Variants in ZFR observed in about 807,000 individuals in gnomAD.
The protein encoded by ZFR is zinc finger RNA binding protein, also known as zinc finger RNA-binding protein.
ZFR carries 19 observed loss-of-function variants against 130.7 expected under a neutral mutation model. That is an observed-to-expected ratio of 0.15 (90% CI 0.10 to 0.21). The LOEUF is 0.21. Ranked by LOEUF, ZFR falls within the 10% of genes least tolerant of loss-of-function variation. ZFR has a pLI of 1.00. For synonymous variants in ZFR, 466 were observed against 456.9 expected, an observed-to-expected ratio of 1.02 and a Z score of -0.25; for missense variants, 872 against 1,321.5, an observed-to-expected ratio of 0.66 and a Z score of 5.27.
At chr5:32,379,067 G>T in intron 17 of ZFR, 48 bp downstream of exon 17, 1 of 1,379,532 alleles carries the variant, frequency 7.2e-7, no homozygotes, top group Non-Finnish European at 1.0e-6. Context: ...AAAAGCTGCA[G>T]AATTATTTCC....
intron 5 of ZFR, among the ~76,000 whole-genome samples, chr5:32,410,996 T>A: frequency 6.6e-6 from 1 of 152,258 alleles, no homozygotes; most frequent in East Asian, 1.9e-4. Flanking sequence ...TAGTGCTGTT[T>A]CCAGTTTCTG....
intron 2 of ZFR, among the ~76,000 whole-genome samples, chr5:32,420,554 A>C (rs1441450232): frequency 6.6e-6 from 1 of 152,242 alleles, no homozygotes; most frequent in Admixed American, 6.5e-5. Flanking sequence ...TTACAGAAAG[A>C]AATTTAAGGT....
At chr5:32,413,728 T>C in intron 5 of ZFR, among the ~76,000 whole-genome samples, 1 of 152,214 alleles carries the variant, frequency 6.6e-6, no homozygotes, top group East Asian at 1.9e-4. Flanking sequence ...GTTACAATTA[T>C]AGCTAGTCAA....
At position 32,410,283 on chromosome 5, in the gene ZFR, CAAAAA is replaced by C. The variant is rs3065266; in HGVS notation, c.785-3267_785-3263del. Among the ~76,000 whole-genome samples the C allele has an allele frequency of 5.9e-3, 666 of 113,078 alleles. 7 individuals carry two copies. The highest frequency in any genetic ancestry group is 0.021 in the African/African-American group (627 of 30,018). The allele number at this position is 113,078 out of a possible 152,430, so 74.2% of individuals were successfully genotyped here. ...GGGTGACACAGCAAGACACTGTCTCCAAAAAAAAAAAAAAAAAAAAAAAAAATGTA... is the reference window on the plus strand; with the variant it reads ...GGGTGACACAGCAAGACACTGTCTCCAAAAAAAAAAAAAAAAAAAAATGTA... On this transcript the variant is annotated intron_variant, in intron 5 of 19. Transcript: ENST00000265069.
intron 15 of ZFR, among the ~76,000 whole-genome samples, chr5:32,383,558 T>A (rs114860131): frequency 0.01 from 1,575 of 152,280 alleles, 31 homozygotes; most frequent in African/African-American, 0.035. Context: ...TTTCCTTTAT[T>A]AATTAATTTT....
chr5:32,443,433 C>A (rs1409326517), intron 2 of ZFR, among the ~76,000 whole-genome samples: 1 of 152,258 alleles, frequency 6.6e-6, no homozygotes, highest in Non-Finnish European at 1.5e-5. Flanking sequence ...AGGGGAAAGA[C>A]CCCCGCAAGG....
rs70961626 is a variant in ZFR, at chr5:32,397,849, CTTTTTT to C, written c.1714-517_1714-512del. 4.5e-4 allele frequency among the ~76,000 whole-genome samples: 30 copies of C among 66,876 alleles called. 1 individual carries two copies. Among genetic ancestry groups the C allele is most frequent in the East Asian group, 1.1e-3 (2 of 1,762 alleles). The allele number at this position is 66,876 out of a possible 152,430, so 43.9% of individuals were successfully genotyped here. A position where few individuals can be genotyped will look rare whatever the true frequency, so the allele number is the denominator to read the frequency against. On this transcript the variant is annotated intron_variant, in intron 9 of 19. Coordinates refer to ENST00000265069, the MANE Select transcript of ZFR (RefSeq NM_016107.5). ...TGATAGCATGTGTTTGCTCTTGTAT[CTTTTTT>C]TTTTTTTTTTTTTTTTTTTTGAGAT...
chr5:32,396,080 A>G (rs953245922), intron 10 of ZFR, among the ~76,000 whole-genome samples: 2 of 152,050 alleles, frequency 1.3e-5, no homozygotes, highest in Admixed American at 6.6e-5. Flanking sequence ...CTAGCCAGGC[A>G]TGGTGGCACA....
At chr5:32,432,578 C>T (rs2111856811) in intron 2 of ZFR, among the ~76,000 whole-genome samples, 1 of 152,184 alleles carries the variant, frequency 6.6e-6, no homozygotes, top group African/African-American at 2.4e-5. Flanking sequence ...AATCCTCTCC[C>T]CTCAGCCTCC....
chr5:32,379,272 G>GA (rs758760103), intron 16 of ZFR, 62 bp from the exon 17 acceptor site: 5 of 1,437,218 alleles, frequency 3.5e-6, no homozygotes, highest in African/African-American at 1.4e-5. Context: ...ATCCCTTGAT[G>GA]AAAAAAAGTT....
chr5:32,413,938 C>T (rs1009656151), intron 5 of ZFR, among the ~76,000 whole-genome samples: 1 of 152,154 alleles, frequency 6.6e-6, no homozygotes, highest in African/African-American at 2.4e-5. Flanking sequence ...TCATCATTCA[C>T]CACTCCAGCC....
rs1264319593 is a variant in ZFR, at chr5:32,354,469, C to T, written c.*1291G>A. The T allele has an allele frequency of 6.6e-6, 1 of 152,514 alleles. No individual in the cohort carries two copies. Among genetic ancestry groups the T allele is most frequent in the African/African-American group, 2.4e-5 (1 of 41,394 alleles). The allele number at this position is 152,514 out of a possible 1,614,324, so 9.4% of individuals were successfully genotyped here. ...TATGAATTTCATTTTTTGTGTATTT[C>T]ACTGTAGTGCTGTGACAACAAAATG... On this transcript the variant is annotated 3_prime_UTR_variant, in exon 20 of 20. Coordinates refer to ENST00000265069, the MANE Select transcript of ZFR (RefSeq NM_016107.5).
chr5:32,409,798 C>A (rs1249564398), intron 5 of ZFR, among the ~76,000 whole-genome samples: 2 of 152,156 alleles, frequency 1.3e-5, no homozygotes, highest in African/African-American at 4.8e-5. Context: ...ACTCTCATTT[C>A]TCTCTTTGAG....
Position 32,416,106 on chromosome 5 carries a change from G to C in ZFR, c.566-919C>G, listed in dbSNP as rs569425095. ...TCAGCCACTCAAGTAGAACTTATCT[G>C]CTTATGAAATTTGATCCATGTAACA... On this transcript the variant is annotated intron_variant, in intron 4 of 19. Transcript: ENST00000265069. Among the ~76,000 whole-genome samples, 9 of 152,070 alleles carry C rather than the reference G, an allele frequency of 5.9e-5. No homozygotes were observed. The East Asian group carries it at 7.7e-4, about 13-fold the overall frequency.
At position 32,400,192 on chromosome 5, in the gene ZFR, G is replaced by T; in HGVS notation, c.1528C>A (p.Leu510Met). 6.3e-7 allele frequency: 1 copy of T among 1,599,888 alleles called. No homozygotes were observed. The highest frequency in any genetic ancestry group is 1.1e-5 in the South Asian group (1 of 88,136). Residue 510 changes from leucine (L) to methionine (M), a missense_variant, in exon 9 of 20, where the codon CTG becomes ATG. Leu to Met is a conservative substitution (Grantham distance 15, BLOSUM62 2). This residue lies in a region of ZFR where 143 missense variants were observed against 137.9 expected (regional missense o/e 1.04). Coordinates refer to ENST00000265069, the MANE Select transcript of ZFR (RefSeq NM_016107.5). Reference protein sequence around the residue: ...PKINFVGGNKLQSTGNKAEDI... With the variant: ...PKINFVGGNKMQSTGNKAEDI... ...TCTGCTTTATTTCCTGTTGACTGCAGCTTATTACCACCTAGAAAAGTATCA... is the reference window on the plus strand; with the variant it reads ...TCTGCTTTATTTCCTGTTGACTGCATCTTATTACCACCTAGAAAAGTATCA...
chr5:32,376,071 T>C (rs1274466269), intron 17 of ZFR, among the ~76,000 whole-genome samples: 1 of 150,658 alleles, frequency 6.6e-6, no homozygotes, highest in East Asian at 2.0e-4. Context: ...TTGAACTCCT[T>C]GACCTTGTGA....
intron 17 of ZFR, among the ~76,000 whole-genome samples, chr5:32,370,374 G>A (rs372897462): frequency 3.9e-4 from 55 of 142,672 alleles, no homozygotes; most frequent in East Asian, 2.8e-3. Flanking sequence ...AGACAGGCAG[G>A]CAGACAGACA....
intron 11 of ZFR, among the ~76,000 whole-genome samples, chr5:32,390,973 A>G (rs1269914535): frequency 6.6e-6 from 1 of 152,240 alleles, no homozygotes; most frequent in Non-Finnish European, 1.5e-5. Flanking sequence ...GCTGCAACTC[A>G]GCTCCTATTA....
chr5:32,355,999 C>T (rs1581672341), intron 19 of ZFR, 60 bp from the exon 20 acceptor site: 1 of 1,352,502 alleles, frequency 7.4e-7, no homozygotes, highest in Admixed American at 2.6e-5. Context: ...GTAATACTTA[C>T]TACATTTACC....
Sources: gnomAD v4.1 joint callset for allele counts (sites outside exome capture counted in the v4.1 genomes callset) on GRCh38, gnomAD v4.1.1 for gene constraint, gnomAD v4.1.1 regional missense constraint, MANE v1.5 for transcripts, NCBI Gene and HGNC (gene_info 2026-07-23, HGNC 2026-07-21) for gene names.